Variants in TMEFF2 observed in about 807,000 individuals in gnomAD.
TMEFF2 encodes the protein transmembrane protein with EGF like and two follistatin like domains 2.
TMEFF2 carries 28 observed loss-of-function variants against 53.8 expected under a neutral mutation model. The observed-to-expected ratio is 0.52, with a 90% CI of 0.39 to 0.71. TMEFF2 has a LOEUF of 0.71. Ranked by LOEUF, TMEFF2 falls within the 30% of genes least tolerant of loss-of-function variation. TMEFF2 has a pLI of 0.00. For missense variants in TMEFF2, 353 were observed against 455.2 expected, an observed-to-expected ratio of 0.78 and a Z score of 2.04; for synonymous variants, 162 against 166.3, an observed-to-expected ratio of 0.97 and a Z score of 0.20.
At chr2:192,030,060 C>A (rs1449141309) in intron 5 of TMEFF2, among the ~76,000 whole-genome samples, 1 of 152,178 alleles carries the variant, frequency 6.6e-6, no homozygotes, top group African/African-American at 2.4e-5. Context: ...ACAAACCGAT[C>A]TAGGGCATGG....
chr2:192,078,198 G>A (rs992201158), intron 4 of TMEFF2, among the ~76,000 whole-genome samples: 4 of 152,138 alleles, frequency 2.6e-5, no homozygotes, highest in Non-Finnish European at 4.4e-5. Flanking sequence ...CTGGCCATAT[G>A]TCTTTGGGTA....
At chr2:192,073,197 G>C (rs957244531) in intron 4 of TMEFF2, among the ~76,000 whole-genome samples, 2 of 151,904 alleles carry the variant, frequency 1.3e-5, no homozygotes, top group African/African-American at 4.8e-5. Flanking sequence ...TTTTAAATGG[G>C]GAAGATGTGT....
At chr2:192,049,333 C>A (rs1310478305) in intron 5 of TMEFF2, among the ~76,000 whole-genome samples, 1 of 152,138 alleles carries the variant, frequency 6.6e-6, no homozygotes, top group East Asian at 1.9e-4. Flanking sequence ...CCTCAGTTTT[C>A]TGTTTTGTAA....
At chr2:191,986,860 A>G (rs905620668) in intron 7 of TMEFF2, among the ~76,000 whole-genome samples, 127 of 74,546 alleles carry the variant, frequency 1.7e-3, no homozygotes, top group African/African-American at 9.0e-3. Context: ...TCCGTCTCAG[A>G]AAAAAAAAAA....
chr2:191,959,379 T>A (rs1378639926), intron 7 of TMEFF2, among the ~76,000 whole-genome samples: 1 of 152,166 alleles, frequency 6.6e-6, no homozygotes, highest in Non-Finnish European at 1.5e-5. Context: ...CTAATAGGGC[T>A]CCATGCCCAT....
chr2:192,184,253 A>G, intron 3 of TMEFF2, 101 bp downstream of exon 3: 1 of 1,426,008 alleles, frequency 7.0e-7, no homozygotes, highest in Non-Finnish European at 9.6e-7. Context: ...TCTAGTCAAC[A>G]TATAATCTGA....
At chr2:191,990,215 A>G (rs1686070251) in intron 7 of TMEFF2, among the ~76,000 whole-genome samples, 1 of 152,172 alleles carries the variant, frequency 6.6e-6, no homozygotes, top group Non-Finnish European at 1.5e-5. Context: ...CATGAAACAA[A>G]TAGCTGTTTA....
At chr2:192,136,004 C>A (rs909283338) in intron 4 of TMEFF2, among the ~76,000 whole-genome samples, 1 of 151,964 alleles carries the variant, frequency 6.6e-6, no homozygotes, top group African/African-American at 2.4e-5. Context: ...TATCTCCCTT[C>A]GCTGACTCTC....
intron 4 of TMEFF2, among the ~76,000 whole-genome samples, chr2:192,128,403 AT>A (rs1300400727): frequency 6.6e-6 from 1 of 152,210 alleles, no homozygotes; most frequent in East Asian, 1.9e-4. Context: ...TACTTTTAAT[AT>A]TGCCTATTAC....
At chr2:192,003,759 G>A (rs1342535425) in intron 5 of TMEFF2, among the ~76,000 whole-genome samples, 1 of 152,108 alleles carries the variant, frequency 6.6e-6, no homozygotes, top group East Asian at 1.9e-4. Context: ...ACACACAAAT[G>A]TATAGCTCAA....
intron 1 of TMEFF2, among the ~76,000 whole-genome samples, chr2:192,193,747 GAGAGATAGAT>G (rs1375302232): frequency 2.6e-4 from 9 of 34,736 alleles, no homozygotes; most frequent in Admixed American, 3.8e-4. Flanking sequence ...GAGAGAGAGA[GAGAGATAGAT>G]AGATAGAGAG....
intron 7 of TMEFF2, among the ~76,000 whole-genome samples, chr2:191,991,198 A>T (rs1403688194): frequency 1.3e-5 from 2 of 152,118 alleles, no homozygotes; most frequent in African/African-American, 4.8e-5. Context: ...TTTATAGATG[A>T]ATTAAAAAGT....
chr2:192,153,918 A>T (rs1019219704), intron 4 of TMEFF2, among the ~76,000 whole-genome samples: 1 of 151,938 alleles, frequency 6.6e-6, no homozygotes, highest in East Asian at 1.9e-4. Context: ...TTTCATTTTG[A>T]GAGAAAATTC....
intron 5 of TMEFF2, among the ~76,000 whole-genome samples, chr2:192,000,430 CAT>C (rs1311070346): frequency 6.6e-6 from 1 of 152,132 alleles, no homozygotes; most frequent in Admixed American, 6.6e-5. Flanking sequence ...AGGTCCCACT[CAT>C]AGATTTGTTA....
chr2:192,002,555 C>T lies in TMEFF2; in HGVS notation c.537-3347G>A, dbSNP rs183143757. Among the ~76,000 whole-genome samples, 28 of 151,716 alleles carry T rather than the reference C, an allele frequency of 1.8e-4. No individual in the cohort carries two copies. In the East Asian group the frequency reaches 3.9e-3, roughly 21 times the overall value. On this transcript the variant is annotated intron_variant, in intron 5 of 9. Coordinates refer to ENST00000272771, the MANE Select transcript of TMEFF2 (RefSeq NM_016192.4). ...GCTTGAAAACAATAAGCTGGCCGGG[C>T]GTGGTGTCTCATGCCTGTAATCCCA...
intron 7 of TMEFF2, among the ~76,000 whole-genome samples, chr2:191,997,150 G>A (rs1559077370): frequency 6.6e-6 from 1 of 151,658 alleles, no homozygotes; most frequent in Non-Finnish European, 1.5e-5. Context: ...GGACGCTTTG[G>A]GAATGGCTAT....
intron 4 of TMEFF2, among the ~76,000 whole-genome samples, chr2:192,088,777 C>A (rs1328793334): frequency 6.6e-6 from 1 of 151,978 alleles, no homozygotes; most frequent in Non-Finnish European, 1.5e-5. Flanking sequence ...ATGTCCAAAG[C>A]CTATCACATA....
At chr2:192,084,129 G>A (rs916116461) in intron 4 of TMEFF2, among the ~76,000 whole-genome samples, 1 of 152,168 alleles carries the variant, frequency 6.6e-6, no homozygotes, top group African/African-American at 2.4e-5. Context: ...CATCGTGGTA[G>A]AGATGGTATT....
rs1691559167 is a variant in TMEFF2, at chr2:192,194,565, G to T, written c.-41C>A. 4 of 1,597,164 alleles carry T rather than the reference G, an allele frequency of 2.5e-6. 1 individual carries two copies. In the South Asian group the frequency reaches 4.4e-5, roughly 18 times the overall value. ...CTCTGCAGCAGCAAACGGCTTCCGA[G>T]GAACACAGGATCGCGGGGGCCGGGC... On this transcript the variant is annotated 5_prime_UTR_variant, in exon 1 of 10. Transcript: ENST00000272771. The surrounding 1 kb of genome is among the most constrained non-coding windows in gnomAD (Gnocchi z 4.2).
Sources: allele counts gnomAD v4.1 joint callset (sites outside exome capture counted in the v4.1 genomes callset), GRCh38; gene constraint gnomAD v4.1.1; non-coding constraint Gnocchi (gnomAD v3.1); transcripts MANE v1.5; gene names NCBI Gene and HGNC (gene_info 2026-07-23, HGNC 2026-07-21).